Variants in ABCA4 observed in about 807,000 individuals in gnomAD.
ABCA4 encodes ATP binding cassette subfamily A member 4.
Under a neutral mutation model 263.7 loss-of-function variants are expected in ABCA4, and 196 were observed. The ratio of observed to expected loss-of-function variants is 0.74; its 90% CI spans 0.66 to 0.84. ABCA4 has a LOEUF of 0.84. Ranked by LOEUF, ABCA4 falls within the 40% of genes least tolerant of loss-of-function variation. The pLI, the probability that ABCA4 is intolerant of heterozygous loss-of-function variation, is 0.00. For missense variants in ABCA4, 2,792 were observed against 2,855.1 expected (o/e 0.98, Z 0.50); for synonymous variants, 1,133 against 1,094.2 (o/e 1.04, Z -0.70).
chr1:94,030,288 G>C (rs1214296955), intron 29 of ABCA4, 140 bp downstream of exon 29: 1 of 750,164 alleles, frequency 1.3e-6, no homozygotes, highest in South Asian at 1.5e-5. Flanking sequence ...GAGAGGTTGG[G>C]GGAGTGCTGG....
intron 13 of ABCA4, among the ~76,000 whole-genome samples, chr1:94,060,987 G>A (rs765666436): frequency 2.0e-5 from 3 of 152,146 alleles, no homozygotes; most frequent in Non-Finnish European, 2.9e-5. Context: ...TGGTTAGCCC[G>A]GGTGAATGCT....
At position 94,080,516 on chromosome 1, in the gene ABCA4, G is replaced by C; in HGVS notation, c.1061C>G (p.Thr354Arg). 6.2e-7 allele frequency: 1 copy of C among 1,614,188 alleles called. No individual in the cohort carries two copies. Among genetic ancestry groups the C allele is most frequent in the Non-Finnish European group, 8.5e-7 (1 of 1,180,034 alleles). Reference protein sequence around the residue: ...NYKAFLGIDSTRKDPIYSYDR... With the variant: ...NYKAFLGIDSRRKDPIYSYDR... ...ATAAGAATAGATAGGATCCTTCCTT[G>C]TGGAGTCAATCCCCAGAAAGGCCTT... The change falls in exon 8 of 50, where the codon ACA (threonine) becomes AGA (arginine). Residue 354 changes from threonine (T) to arginine (R), a missense_variant. Coordinates refer to ENST00000370225, the MANE Select transcript of ABCA4 (RefSeq NM_000350.3).
chr1:94,062,831 G>T (rs145717494), intron 12 of ABCA4, 78 bp from the exon 13 acceptor site: 99 of 1,453,712 alleles, frequency 6.8e-5, no homozygotes, highest in Middle Eastern at 3.5e-4. Context: ...AGGGTGACTC[G>T]GAACTCATTC....
intron 43 of ABCA4, 40 bp from the exon 44 acceptor site, chr1:94,005,622 G>A (rs1411780924): frequency 1.2e-5 from 19 of 1,602,896 alleles, no homozygotes; most frequent in Non-Finnish European, 1.6e-5. Flanking sequence ...CCTTCAAGGA[G>A]TGGAGGGATG....
chr1:94,000,187 G>A (rs146522544), intron 47 of ABCA4, among the ~76,000 whole-genome samples: 1 of 152,304 alleles, frequency 6.6e-6, no homozygotes, highest in East Asian at 1.9e-4. Context: ...ATGAGTAATT[G>A]TAACTCTGCT....
rs55746011 is a variant in ABCA4, at chr1:94,038,137, G to A, written c.3608-787C>T. ...TCCTCAGGTCACAGGAAATGCAGAG[G>A]GGGGGTTGAGAAGCCATGGAGAGAG... is the stretch of plus-strand genomic sequence containing the variant. On this transcript the variant is annotated intron_variant, in intron 24 of 49. Transcript: ENST00000370225. 2.0e-5 allele frequency among the ~76,000 whole-genome samples: 3 copies of A among 150,190 alleles called. No individual in the cohort carries two copies. In the South Asian group the frequency reaches 6.2e-4, roughly 31 times the overall value.
At chr1:94,062,048 C>T (rs1570392499) in intron 13 of ABCA4, among the ~76,000 whole-genome samples, 1 of 152,150 alleles carries the variant, frequency 6.6e-6, no homozygotes, top group African/African-American at 2.4e-5. Flanking sequence ...ATATACAGGC[C>T]TGGGATGGGA....
At chr1:94,090,073 C>G (rs568640845) in intron 6 of ABCA4, among the ~76,000 whole-genome samples, 5 of 152,164 alleles carry the variant, frequency 3.3e-5, no homozygotes, top group South Asian at 4.2e-4. Context: ...ACACCGTTTC[C>G]ACTAATGGGC....
At chr1:94,113,607 T>C (rs1464536758) in intron 1 of ABCA4, among the ~76,000 whole-genome samples, 1 of 152,250 alleles carries the variant, frequency 6.6e-6, no homozygotes. Context: ...GTGTCCTTTC[T>C]GGCCCTCCCC....
At chr1:94,030,317 C>A in intron 29 of ABCA4, 111 bp downstream of exon 29, 3 of 909,690 alleles carry the variant, frequency 3.3e-6, no homozygotes, top group Non-Finnish European at 5.3e-6. Flanking sequence ...ATGGAAGTGA[C>A]CAGCAGAGCA....
intron 39 of ABCA4, 139 bp from the exon 40 acceptor site, chr1:94,011,068 T>C: frequency 6.5e-7 from 1 of 1,542,736 alleles, no homozygotes; most frequent in South Asian, 1.1e-5. Flanking sequence ...AGGGCTGCCC[T>C]CCATCCCTCC....
rs4147830 is a variant in ABCA4, at chr1:94,078,720, G to A, written c.1240-14C>T. On this transcript the variant is annotated splice_polypyrimidine_tract_variant and intron_variant, in intron 9 of 49. Coordinates refer to ENST00000370225, the MANE Select transcript of ABCA4 (RefSeq NM_000350.3). The stretch of plus-strand genomic sequence containing the variant: ...AGTTGAGTTGGCCTAAAACCAGACA[G>A]AGATCAAGACAGAGACACGAACAGA... 733,311 of 1,576,202 alleles carry A rather than the reference G, an allele frequency of 0.47. 172,216 individuals carry two copies. The highest frequency in any genetic ancestry group is 0.58 in the East Asian group (25,913 of 44,658).
At chr1:94,080,880 C>T (rs911190944) in intron 7 of ABCA4, among the ~76,000 whole-genome samples, 162 bp from the exon 8 acceptor site, 3 of 152,112 alleles carry the variant, frequency 2.0e-5, no homozygotes, top group African/African-American at 4.8e-5. Context: ...AAAACAAAAC[C>T]TACTGCCATC....
rs745550261 is a variant in ABCA4 at position 94,108,647 on chromosome 1, A to C, written c.372T>G (p.Arg124=). The C allele has an allele frequency of 1.5e-5, 24 of 1,614,016 alleles. No homozygotes were observed. Among genetic ancestry groups the C allele is most frequent in the Non-Finnish European group, 1.9e-5 (22 of 1,180,026 alleles). ...MNAPESQHLG[R]IWTELHILSQ... is the part of the protein sequence containing the mutation. ...ACAAGATGTGTAGCTCTGTCCAAAT[A>C]CGGCCAAGGTGCTGGCTCTCTGGTG... Residue 124 remains arginine, a synonymous_variant, in exon 4 of 50, where the codon CGT becomes CGG. Coordinates refer to ENST00000370225, the MANE Select transcript of ABCA4 (RefSeq NM_000350.3).
chr1:94,101,419 C>A (rs1055155448), intron 5 of ABCA4, among the ~76,000 whole-genome samples: 1 of 152,326 alleles, frequency 6.6e-6, no homozygotes, highest in East Asian at 1.9e-4. Context: ...CCAAGCTCAC[C>A]CTGCCTCCAG....
intron 36 of ABCA4, among the ~76,000 whole-genome samples, chr1:94,017,063 G>A (rs1255525964): frequency 6.6e-6 from 1 of 151,958 alleles, no homozygotes; most frequent in Admixed American, 6.6e-5. Context: ...TGATAGTCTT[G>A]GATCATAGTC....
chr1:94,017,672 A>G (rs991854442), intron 36 of ABCA4, among the ~76,000 whole-genome samples: 1 of 152,112 alleles, frequency 6.6e-6, no homozygotes, highest in African/African-American at 2.4e-5. Flanking sequence ...TTGTGGTTGT[A>G]TGGGGTGTAT....
In ABCA4 at chr1:94,111,579, C is replaced by A. The variant is rs150774447; in HGVS notation, c.161G>T (p.Cys54Phe). The change falls in exon 3 of 50, where the codon TGC becomes TTC. Residue 54 changes from cysteine (C) to phenylalanine (F), a missense_variant and splice_region_variant. Transcript: ENST00000370225. ...NANPLYSHHE[C>F]HFPNKAMPSA... is the part of the protein sequence containing the mutation. ...GGGCATCGCCTTGTTGGGGAAATGG[C>A]CTTTAAAACAGAAAATGAGGACAAG... 6.2e-7 allele frequency: 1 copy of A among 1,614,166 alleles called. No homozygotes were observed. Among genetic ancestry groups the A allele is most frequent in the South Asian group, 1.1e-5 (1 of 91,088 alleles).
At chr1:94,029,368 C>T in intron 30 of ABCA4, 77 bp downstream of exon 30, 1 of 1,320,020 alleles carries the variant, frequency 7.6e-7, no homozygotes, top group Non-Finnish European at 1.0e-6. Context: ...TTGTGAGAGA[C>T]TCAGGAGATA....
Sources: gnomAD v4.1 joint callset for allele counts (sites outside exome capture counted in the v4.1 genomes callset) on GRCh38, gnomAD v4.1.1 for gene constraint, MANE v1.5 for transcripts, NCBI Gene and HGNC (gene_info 2026-07-23, HGNC 2026-07-21) for gene names.